The following USP7 variants were observed in gnomAD, a reference collection of about 807,000 sequenced individuals.
USP7 encodes the protein ubiquitin specific peptidase 7.
In USP7, 9 loss-of-function variants were observed where a neutral mutation model predicts 162.9. The ratio of observed to expected loss-of-function variants is 0.06; its 90% CI spans 0.03 to 0.10. The LOEUF is 0.10. Among genes scored for constraint, USP7 ranks in the 10% least tolerant of loss-of-function variants. The probability of loss-of-function intolerance (pLI) is 1.00; values close to 1 mark genes in which losing one functional copy is unlikely to be tolerated. For synonymous variants in USP7, 562 were observed against 475.9 expected, an observed-to-expected ratio of 1.18 and a Z score of -2.35; for missense variants, 715 against 1,373.7, an observed-to-expected ratio of 0.52 and a Z score of 7.58.
At chr16:8,915,555 ACT>A (rs760398818) in intron 8 of USP7, 30 bp from the exon 9 acceptor site, 12 of 1,588,038 alleles carry the variant, frequency 7.6e-6, no homozygotes, top group Middle Eastern at 2.1e-4. Flanking sequence ...CTTTAAAAAA[ACT>A]TTTTTGTACT....
intron 1 of USP7, among the ~76,000 whole-genome samples, chr16:8,944,022 C>T (rs949397339): frequency 6.6e-6 from 1 of 152,000 alleles, no homozygotes; most frequent in Non-Finnish European, 1.5e-5. Flanking sequence ...CCAGCCTGGG[C>T]AAACATAGGG....
intron 1 of USP7, among the ~76,000 whole-genome samples, chr16:8,943,028 G>C (rs527494684): frequency 6.6e-4 from 100 of 152,304 alleles, no homozygotes; most frequent in African/African-American, 2.2e-3. Context: ...AGTGGAGCCT[G>C]AGTGTTCAAA....
chr16:8,925,608 T>C (rs1567228975), intron 2 of USP7, among the ~76,000 whole-genome samples: 1 of 152,188 alleles, frequency 6.6e-6, no homozygotes, highest in Non-Finnish European at 1.5e-5. Flanking sequence ...AGTTTGCACT[T>C]GGTTCACCTG....
intron 1 of USP7, among the ~76,000 whole-genome samples, chr16:8,932,818 G>A (rs1168936094): frequency 2.0e-5 from 3 of 151,672 alleles, no homozygotes; most frequent in Non-Finnish European, 2.9e-5. Flanking sequence ...CCTTATCTGC[G>A]ACATTTAAAG....
In USP7 at chr16:8,963,566, G is replaced by GGCCGCCGCTGCGGCC. The variant is rs1555473188; in HGVS notation, c.-282_-281insGGCCGCAGCGGCGGC. On this transcript the variant is annotated 5_prime_UTR_variant, in exon 1 of 31. Transcript: ENST00000344836. ...GCCGGGCGGCCTCGTCGCTCGCTGC[G>GGCCGCCGCTGCGGCC]GCCGCCGCCGCCGCCGCCGCGGGGC... 1 of 133,294 alleles carries GGCCGCCGCTGCGGCC rather than the reference G, an allele frequency of 7.5e-6. No homozygotes were observed. Among genetic ancestry groups the GGCCGCCGCTGCGGCC allele is most frequent in the African/African-American group, 2.7e-5 (1 of 37,044 alleles). The allele number at this position is 133,294 out of a possible 1,614,324, so 8.3% of individuals were successfully genotyped here.
intron 1 of USP7, among the ~76,000 whole-genome samples, chr16:8,955,226 T>C (rs1205032918): frequency 6.6e-6 from 1 of 152,230 alleles, no homozygotes; most frequent in South Asian, 2.1e-4. Context: ...TTTTTTTACA[T>C]ATTAATCTGT....
intron 1 of USP7, among the ~76,000 whole-genome samples, chr16:8,952,419 G>GA (rs1899596312): frequency 6.6e-6 from 1 of 152,196 alleles, no homozygotes; most frequent in African/African-American, 2.4e-5. Flanking sequence ...TCAGAAGTCT[G>GA]AAATGGGTCT....
chr16:8,963,680 A>G lies in USP7; in HGVS notation c.-395T>C, dbSNP rs1900114694. 7.2e-6 allele frequency among the ~76,000 whole-genome samples: 1 copy of G among 139,330 alleles called. No individual in the cohort carries two copies. Among genetic ancestry groups the G allele is most frequent in the South Asian group, 2.3e-4 (1 of 4,390 alleles). The allele number at this position is 139,330 out of a possible 152,430, so 91.4% of individuals were successfully genotyped here. A position where few individuals can be genotyped will look rare whatever the true frequency, so the allele number is the denominator to read the frequency against. On this transcript the variant is annotated 5_prime_UTR_variant, in exon 1 of 31. Coordinates refer to ENST00000344836, the MANE Select transcript of USP7 (RefSeq NM_003470.3). ...GCGGCCGGTCGGGGGCCGCGGAGTCAGCCCCGCCTCGGGCCGGGCGCGGCG... is the reference window on the plus strand; with the variant it reads ...GCGGCCGGTCGGGGGCCGCGGAGTCGGCCCCGCCTCGGGCCGGGCGCGGCG...
chr16:8,928,051 G>C (rs1032455747), intron 2 of USP7, among the ~76,000 whole-genome samples: 2 of 152,200 alleles, frequency 1.3e-5, no homozygotes, highest in African/African-American at 2.4e-5. Flanking sequence ...GGAACTAAAA[G>C]TAGAATGAGT....
intron 1 of USP7, among the ~76,000 whole-genome samples, chr16:8,948,782 C>G (rs140079504): frequency 2.0e-5 from 3 of 152,000 alleles, no homozygotes; most frequent in Non-Finnish European, 2.9e-5. Flanking sequence ...GAAAACACAG[C>G]GAAACCCCGT....
At chr16:8,906,311 A>C in intron 13 of USP7, 115 bp downstream of exon 13, 1 of 1,219,672 alleles carries the variant, frequency 8.2e-7, no homozygotes, top group Non-Finnish European at 1.1e-6. Context: ...CAGAGAATAC[A>C]TAGATCAGTT....
chr16:8,959,384 C>G (rs1334888416), intron 1 of USP7, among the ~76,000 whole-genome samples: 1 of 151,716 alleles, frequency 6.6e-6, no homozygotes, highest in Non-Finnish European at 1.5e-5. Flanking sequence ...TACCTTCTTC[C>G]TATATTTACT....
rs540860113 is a variant in USP7 at position 8,903,299 on chromosome 16, G to A, written c.1808C>T (p.Ala603Val). The stretch of plus-strand genomic sequence containing the variant: ...CTGAGAGAGGCTCTGAACAAACTCA[G>A]CAAGCGAGGAGTTCTTCAATACTTT... ...VFKVLKNSSL[A>V]EFVQSLSQTM... The change falls in exon 16 of 31, where the codon GCT becomes GTT. Residue 603 changes from alanine (A) to valine (V), a missense_variant. Coordinates refer to ENST00000344836, the MANE Select transcript of USP7 (RefSeq NM_003470.3). 1.9e-6 allele frequency: 3 copies of A among 1,613,964 alleles called. No individual in the cohort carries two copies. Among genetic ancestry groups the A allele is most frequent in the South Asian group, 2.2e-5 (2 of 91,048 alleles).
intron 8 of USP7, 49 bp downstream of exon 8, chr16:8,916,450 ATGC>A: frequency 1.3e-6 from 2 of 1,567,558 alleles, no homozygotes. Flanking sequence ...ACTTCTGACC[ATGC>A]TTCAAAATAT....
At chr16:8,924,533 T>C (rs1014630852) in intron 2 of USP7, among the ~76,000 whole-genome samples, 5 of 152,230 alleles carry the variant, frequency 3.3e-5, no homozygotes, top group African/African-American at 1.2e-4. Context: ...ACCAGGCTCC[T>C]AAGGCACAAA....
intron 21 of USP7, chr16:8,900,232 G>A: frequency 3.0e-6 from 1 of 338,054 alleles, no homozygotes; most frequent in African/African-American, 2.2e-5. Context: ...TACATTCTAA[G>A]GAGTTTCGAT....
At chr16:8,906,289 G>T in intron 13 of USP7, 137 bp downstream of exon 13, 3 of 945,958 alleles carry the variant, frequency 3.2e-6, no homozygotes, top group Middle Eastern at 3.6e-4. Context: ...TGGGAAAACA[G>T]CATTTAGCAG....
In USP7 at chr16:8,919,456, G is replaced by C. The variant is rs573187167; in HGVS notation, c.612-317C>G. On this transcript the variant is annotated intron_variant, in intron 5 of 30. Coordinates refer to ENST00000344836, the MANE Select transcript of USP7 (RefSeq NM_003470.3). ...CACACCCAACATGCCTCATGGTAGA[G>C]TTTGGTTACATAATTACACTTATCA... Among the ~76,000 whole-genome samples the C allele has an allele frequency of 1.2e-4, 18 of 152,152 alleles. No homozygotes were observed. In the South Asian group the frequency reaches 3.7e-3, roughly 32 times the overall value.
intron 12 of USP7, among the ~76,000 whole-genome samples, chr16:8,907,135 G>A (rs2061873235): frequency 6.6e-6 from 1 of 152,242 alleles, no homozygotes; most frequent in South Asian, 2.1e-4. Flanking sequence ...AGCCCCTGCG[G>A]CCTTCAGGAA....
Sources: gnomAD v4.1 joint callset for allele counts (sites outside exome capture counted in the v4.1 genomes callset) on GRCh38, gnomAD v4.1.1 for gene constraint, MANE v1.5 for transcripts, NCBI Gene and HGNC (gene_info 2026-07-23, HGNC 2026-07-21) for gene names.